Variants in MAP4K4 observed in about 807,000 individuals in gnomAD.
MAP4K4 encodes HPK/GCK-like kinase HGK.
MAP4K4 carries 38 observed loss-of-function variants against 189.6 expected under a neutral mutation model. The ratio of observed to expected loss-of-function variants is 0.20; its 90% confidence interval spans 0.15 to 0.26. The LOEUF (loss-of-function observed/expected upper bound fraction) is 0.26, where lower values mean the gene tolerates loss of function less well. Ranked by LOEUF, MAP4K4 falls within the 10% of genes least tolerant of loss-of-function variation. The pLI is 1.00. For synonymous variants in MAP4K4, 610 were observed against 624.3 expected, an observed-to-expected ratio of 0.98 and a Z score of 0.34; for missense variants, 1,054 against 1,726.9, an observed-to-expected ratio of 0.61 and a Z score of 6.91.
chr2:101,871,531 G>A, exon 24 of MAP4K4: 3 of 1,535,960 alleles, frequency 2.0e-6, no homozygotes, highest in Non-Finnish European at 2.6e-6. Context: ...CATCATGAGA[G>A]CAATGGCTTT....
chr2:101,804,144 C>A (rs116386541), intron 3 of MAP4K4, among the ~76,000 whole-genome samples: 3 of 152,162 alleles, frequency 2.0e-5, no homozygotes, highest in African/African-American at 4.8e-5. Flanking sequence ...AACATCTGTG[C>A]CACAGGTCAG....
intron 8 of MAP4K4, 120 bp from the exon 9 acceptor site, chr2:101,835,780 G>A: frequency 1.5e-6 from 1 of 660,026 alleles, no homozygotes; most frequent in Non-Finnish European, 2.8e-6. Flanking sequence ...AGACTGCTTG[G>A]TATGAAGCCT....
chr2:101,860,792 C>T (rs770558241), intron 15 of MAP4K4, 33 bp from the exon 16 acceptor site: 2 of 1,560,864 alleles, frequency 1.3e-6, no homozygotes, highest in South Asian at 2.4e-5. Context: ...CCCCTACTAA[C>T]ACTGAGTTAT....
intron 3 of MAP4K4, among the ~76,000 whole-genome samples, chr2:101,814,805 T>G (rs1274222241): frequency 6.6e-6 from 1 of 152,184 alleles, no homozygotes; most frequent in Non-Finnish European, 1.5e-5. Flanking sequence ...ATGAAACATA[T>G]GAAAATAATA....
intron 3 of MAP4K4, among the ~76,000 whole-genome samples, chr2:101,808,937 T>A (rs556336253): frequency 6.6e-6 from 1 of 152,288 alleles, no homozygotes; most frequent in African/African-American, 2.4e-5. Context: ...GACGTTCTGG[T>A]GTATTTCCAG....
chr2:101,755,819 C>T (rs1364936937), intron 2 of MAP4K4, among the ~76,000 whole-genome samples: 6 of 151,524 alleles, frequency 4.0e-5, no homozygotes, highest in African/African-American at 1.2e-4. Context: ...TATTTACTGC[C>T]TGTCTTTTCT....
chr2:101,867,991 TG>T (rs1305403039), intron 20 of MAP4K4, 37 bp from the exon 21 acceptor site: 2 of 1,612,378 alleles, frequency 1.2e-6, no homozygotes, highest in African/African-American at 2.7e-5. Flanking sequence ...TCATCAACGA[TG>T]GCTTCTCGGA....
intron 6 of MAP4K4, chr2:101,829,882 T>C (rs2096540645): frequency 1.1e-5 from 3 of 261,304 alleles, no homozygotes; most frequent in Non-Finnish European, 2.2e-5. Flanking sequence ...CCTATTTTAC[T>C]TTGGATAAAA....
intron 32 of MAP4K4, among the ~76,000 whole-genome samples, chr2:101,889,529 GT>G (rs2098535597): frequency 6.6e-6 from 1 of 152,158 alleles, no homozygotes; most frequent in South Asian, 2.1e-4. Context: ...CTCCCAGGAA[GT>G]CCCTTTTAAA....
intron 25 of MAP4K4, 66 bp downstream of exon 25, chr2:101,873,830 G>T (rs2098122351): frequency 4.2e-6 from 5 of 1,182,802 alleles, no homozygotes; most frequent in Non-Finnish European, 6.1e-6. Context: ...GCTCTTTTGG[G>T]TGGCTTAGGT....
At chr2:101,829,032 A>G (rs1400037337) in intron 5 of MAP4K4, among the ~76,000 whole-genome samples, 1 of 152,220 alleles carries the variant, frequency 6.6e-6, no homozygotes, top group Non-Finnish European at 1.5e-5. Context: ...AGCACTTAGC[A>G]GTTTGTCACT....
intron 24 of MAP4K4, among the ~76,000 whole-genome samples, 160 bp from the exon 25 acceptor site, chr2:101,873,487 G>T (rs1021084581): frequency 1.3e-5 from 2 of 152,174 alleles, no homozygotes; most frequent in African/African-American, 4.8e-5. Flanking sequence ...GCTATGCCAC[G>T]TGGAAGCTCC....
At chr2:101,705,143 A>G (rs1267228782) in intron 2 of MAP4K4, among the ~76,000 whole-genome samples, 1 of 152,204 alleles carries the variant, frequency 6.6e-6, no homozygotes, top group African/African-American at 2.4e-5. Flanking sequence ...TGTTATCTAG[A>G]TAGCATTAGG....
In MAP4K4 at chr2:101,887,956, A is replaced by G. The variant is rs772005240; in HGVS notation, c.3931+19A>G. 8 of 1,564,994 alleles carry G rather than the reference A, an allele frequency of 5.1e-6. No homozygotes were observed. The highest frequency in any genetic ancestry group is 6.0e-6 in the Non-Finnish European group (7 of 1,157,244). ...TCAGTAGGTATGGAGAACTTGGGGA[A>G]AGGCAGCATTTGTGAAAATGGAGCC... is the stretch of plus-strand genomic sequence containing the variant. On this transcript the variant is annotated intron_variant, in intron 31 of 32. Transcript: ENST00000324219.
intron 2 of MAP4K4, among the ~76,000 whole-genome samples, chr2:101,726,647 A>G (rs946964345): frequency 1.3e-5 from 2 of 152,168 alleles, no homozygotes; most frequent in South Asian, 2.1e-4. Flanking sequence ...ACTTAGAACT[A>G]ACTTTATTTT....
chr2:101,710,048 G>A lies in MAP4K4; in HGVS notation c.123+11510G>A, dbSNP rs181730782. Among the ~76,000 whole-genome samples, 21 of 152,284 alleles carry A rather than the reference G, an allele frequency of 1.4e-4. No individual in the cohort carries two copies. In the East Asian group the frequency reaches 3.5e-3, roughly 25 times the overall value. Reference sequence around the variant, plus strand: ...CCCTTCTCCCCCTGAGTTTTTCTGAGACTCTTTATGTGTAATTGGTGTGTA... The same window carrying A: ...CCCTTCTCCCCCTGAGTTTTTCTGAAACTCTTTATGTGTAATTGGTGTGTA... On this transcript the variant is annotated intron_variant, in intron 2 of 32. Transcript: ENST00000324219.
intron 3 of MAP4K4, among the ~76,000 whole-genome samples, chr2:101,818,363 AGTC>A (rs1278068617): frequency 6.6e-6 from 1 of 152,172 alleles, no homozygotes; most frequent in Non-Finnish European, 1.5e-5. Flanking sequence ...GTTAACAGTC[AGTC>A]GCCTTTTTCT....
At chr2:101,727,508 G>T (rs548239697) in intron 2 of MAP4K4, among the ~76,000 whole-genome samples, 1 of 152,170 alleles carries the variant, frequency 6.6e-6, no homozygotes, top group Non-Finnish European at 1.5e-5. Flanking sequence ...AAATAAAATG[G>T]TTTTTGTCCA....
At chr2:101,792,594 CCTT>C (rs890727439) in intron 3 of MAP4K4, among the ~76,000 whole-genome samples, 39 of 124,002 alleles carry the variant, frequency 3.1e-4, no homozygotes, top group Admixed American at 6.1e-4. Flanking sequence ...ACCTTCTCCT[CCTT>C]CTCCTCCTCC....
Sources: gnomAD v4.1 joint callset for allele counts (sites outside exome capture counted in the v4.1 genomes callset) on GRCh38, gnomAD v4.1.1 for gene constraint, MANE v1.5 for transcripts, NCBI Gene and HGNC (gene_info 2026-07-23, HGNC 2026-07-21) for gene names.